The following IQGAP1 variants were observed in gnomAD, a reference collection of about 807,000 sequenced individuals.
IQGAP1 encodes IQ motif containing GTPase activating protein 1, also known as ras GTPase-activating-like protein IQGAP1.
IQGAP1 carries 66 observed loss-of-function variants against 215.6 expected under a neutral mutation model. That is an observed-to-expected ratio of 0.31 (90% CI 0.25 to 0.38). The LOEUF is 0.38. Ranked by LOEUF, IQGAP1 falls within the 10% of genes least tolerant of loss-of-function variation. The pLI is 1.00. For missense variants in IQGAP1, 1,712 were observed against 1,997.1 expected (o/e 0.86, Z 2.72); for synonymous variants, 772 against 728.7 (o/e 1.06, Z -0.96).
intron 31 of IQGAP1, 40 bp from the exon 32 acceptor site, chr15:90,486,914 C>T: frequency 6.3e-7 from 1 of 1,597,242 alleles, no homozygotes; most frequent in Non-Finnish European, 8.6e-7. Flanking sequence ...TATCTCCTCT[C>T]TTTATTACGC....
At chr15:90,472,810 T>C in intron 18 of IQGAP1, 30 bp from the exon 19 acceptor site, 1 of 1,578,156 alleles carries the variant, frequency 6.3e-7, no homozygotes, top group Non-Finnish European at 8.6e-7. Flanking sequence ...TGCCTGTGAA[T>C]GTCTTTGAAT....
chr15:90,471,345 A>C (rs1002761308), intron 18 of IQGAP1, among the ~76,000 whole-genome samples: 3 of 151,976 alleles, frequency 2.0e-5, no homozygotes, highest in African/African-American at 7.3e-5. Context: ...TGGAGCTTTG[A>C]CCATCAAGTT....
intron 2 of IQGAP1, among the ~76,000 whole-genome samples, chr15:90,417,891 A>G (rs1006479547): frequency 1.3e-5 from 2 of 152,102 alleles, no homozygotes; most frequent in African/African-American, 4.8e-5. Context: ...TATTTCATTG[A>G]GCAGTGGTTT....
Position 90,500,701 on chromosome 15 carries a change from A to G in IQGAP1, c.*593A>G, listed in dbSNP as rs1966329459. 1 of 152,258 alleles carries G rather than the reference A, an allele frequency of 6.6e-6. No homozygotes were observed. The highest frequency in any genetic ancestry group is 1.5e-5 in the Non-Finnish European group (1 of 68,050). 9.4% of individuals were successfully genotyped at this position (152,258 alleles called of 1,614,324 possible). ...TAATGGAAGTGACAGTCATGTTCAA[A>G]GGAAGCATTTCTAGAAAAAAGGAGA... On this transcript the variant is annotated 3_prime_UTR_variant, in exon 38 of 38. Transcript: ENST00000268182.
chr15:90,439,455 G>T (rs1307980689), intron 6 of IQGAP1, 56 bp downstream of exon 6: 1 of 1,438,944 alleles, frequency 6.9e-7, no homozygotes, highest in Non-Finnish European at 9.7e-7. Flanking sequence ...ATAGCCTGGA[G>T]AGCCAGCAGT....
At position 90,426,155 on chromosome 15, in the gene IQGAP1, A is replaced by C. The variant is rs752888383; in HGVS notation, c.201A>C (p.Glu67Asp). The change falls in exon 3 of 38, where the codon GAA becomes GAC. Residue 67 changes from glutamate (E) to aspartate (D), a missense_variant. By Grantham distance (45) the Glu-to-Asp change is conservative (BLOSUM62 2). Coordinates refer to ENST00000268182, the MANE Select transcript of IQGAP1 (RefSeq NM_003870.4). ...CLGEDLPPTT[E>D]LEEGLRNGVY... ...GGGAAGATCTGCCTCCCACCACAGA[A>C]CTGGAGGAGGGGCTTAGGAATGGGG... 1.9e-6 allele frequency: 3 copies of C among 1,605,822 alleles called. No homozygotes were observed. The highest frequency in any genetic ancestry group is 2.2e-5 in the South Asian group (2 of 90,334).
rs1223523067 is a variant in IQGAP1 at position 90,474,750 on chromosome 15, GC to G, written c.2784+58del. On this transcript the variant is annotated intron_variant, in intron 23 of 37. Transcript: ENST00000268182. ...CGGTTCATCCTGCTTTGTAACCCCT[GC>G]ATTCCCCTTTCTGACTGGTGGGGAG... The G allele has an allele frequency of 3.1e-6, 4 of 1,308,528 alleles. No homozygotes were observed. The African/African-American group carries it at 4.4e-5, about 14-fold the overall frequency. The allele number at this position is 1,308,528 out of a possible 1,614,324, so 81.1% of individuals were successfully genotyped here. A position where few individuals can be genotyped will look rare whatever the true frequency, so the allele number is the denominator to read the frequency against.
chr15:90,456,119 G>GAAA, intron 14 of IQGAP1, 33 bp from the exon 15 acceptor site: 1 of 1,410,324 alleles, frequency 7.1e-7, no homozygotes, highest in Non-Finnish European at 9.7e-7. Flanking sequence ...TCCTTAATTA[G>GAAA]AAAAAAAAAA....
chr15:90,497,144 G>T (rs933596335), intron 36 of IQGAP1, 88 bp from the exon 37 acceptor site: 1 of 702,712 alleles, frequency 1.4e-6, no homozygotes, highest in Non-Finnish European at 2.5e-6. Context: ...CACTCTTGAA[G>T]ACTTGGTTCA....
At chr15:90,388,511 G>T in intron 1 of IQGAP1, 115 bp downstream of exon 1, 1 of 929,346 alleles carries the variant, frequency 1.1e-6, no homozygotes, top group South Asian at 2.1e-5. Context: ...CGGCAGCTCG[G>T]ACCCGGAAGA....
rs529663476 is a variant in IQGAP1, at chr15:90,476,286, A to T, written c.2785-377A>T. Among the ~76,000 whole-genome samples the T allele has an allele frequency of 3.9e-5, 6 of 152,266 alleles. No individual in the cohort carries two copies. The South Asian group carries it at 1.2e-3, about 32-fold the overall frequency. On this transcript the variant is annotated intron_variant, in intron 23 of 37. Transcript: ENST00000268182. ...TTAGATTTTTAGAAGATATACTATG[A>T]TTTACCTCTTTTTCCCCTAGTATTT...
At chr15:90,411,286 CTT>C (rs969634626) in intron 2 of IQGAP1, among the ~76,000 whole-genome samples, 1 of 149,838 alleles carries the variant, frequency 6.7e-6, no homozygotes, top group African/African-American at 2.5e-5. Context: ...CTTTTCTTTT[CTT>C]TTTTTTTGGA....
At chr15:90,432,656 T>C (rs895874660) in intron 4 of IQGAP1, among the ~76,000 whole-genome samples, 1 of 152,194 alleles carries the variant, frequency 6.6e-6, no homozygotes, top group Non-Finnish European at 1.5e-5. Context: ...AAACACATCA[T>C]GATTATTTTT....
At chr15:90,487,174 G>C in intron 32 of IQGAP1, 85 bp downstream of exon 32, 1 of 1,351,346 alleles carries the variant, frequency 7.4e-7, no homozygotes, top group Non-Finnish European at 1.0e-6. Flanking sequence ...GGTCCTACCT[G>C]AAATGACCAT....
At chr15:90,449,106 G>T (rs1451718550) in intron 10 of IQGAP1, among the ~76,000 whole-genome samples, 1 of 151,534 alleles carries the variant, frequency 6.6e-6, no homozygotes, top group African/African-American at 2.4e-5. Flanking sequence ...GTTTGCTCTG[G>T]CCAAAGCTGG....
rs569600886 is a variant in IQGAP1 at position 90,405,554 on chromosome 15, G to T, written c.155+14681G>T. Among the ~76,000 whole-genome samples, 10 of 152,246 alleles carry T rather than the reference G, an allele frequency of 6.6e-5. No homozygotes were observed. In the South Asian group the frequency reaches 2.1e-3, roughly 32 times the overall value. On this transcript the variant is annotated intron_variant, in intron 2 of 37. Transcript: ENST00000268182. Reference sequence around the variant, plus strand: ...ATCAGTATTTTTTGAGGTATATTGTGCTGTGACATTAAAGAAAGGGTTTAG... The same window carrying T: ...ATCAGTATTTTTTGAGGTATATTGTTCTGTGACATTAAAGAAAGGGTTTAG...
At chr15:90,492,481 G>T in intron 34 of IQGAP1, 64 bp from the exon 35 acceptor site, 1 of 1,290,136 alleles carries the variant, frequency 7.8e-7, no homozygotes. Context: ...GCATTGCTGG[G>T]TTGTAGTGTG....
chr15:90,445,520 A>G (rs1386461657), intron 9 of IQGAP1, among the ~76,000 whole-genome samples: 2 of 152,110 alleles, frequency 1.3e-5, no homozygotes, highest in African/African-American at 4.8e-5. Flanking sequence ...ATTGTCTTGT[A>G]TTGCTTGATC....
intron 15 of IQGAP1, among the ~76,000 whole-genome samples, chr15:90,463,358 A>G (rs918123614): frequency 6.6e-6 from 1 of 152,218 alleles, no homozygotes; most frequent in African/African-American, 2.4e-5. Flanking sequence ...TATCTGTTGT[A>G]TGATTATCCC....
Sources: gnomAD v4.1 joint callset for allele counts (sites outside exome capture counted in the v4.1 genomes callset) on GRCh38, gnomAD v4.1.1 for gene constraint, MANE v1.5 for transcripts, NCBI Gene and HGNC (gene_info 2026-07-23, HGNC 2026-07-21) for gene names.